Variants in HEATR5B observed in about 807,000 individuals in gnomAD.
HEATR5B encodes the protein HEAT repeat containing 5B, also known as HEAT repeat-containing protein 5B.
A neutral mutation model predicts 224.1 loss-of-function variants in HEATR5B; 156 were observed. The ratio of observed to expected loss-of-function variants is 0.70; its 90% confidence interval spans 0.61 to 0.80. The LOEUF (loss-of-function observed/expected upper bound fraction) is 0.80, where lower values mean the gene tolerates loss of function less well. Ranked by LOEUF, HEATR5B falls within the 30% of genes least tolerant of loss-of-function variation. The pLI is 0.00. For synonymous variants in HEATR5B, 1,027 were observed against 893.0 expected (o/e 1.15, Z -2.68); for missense variants, 2,323 against 2,535.5 (o/e 0.92, Z 1.80).
chr2:37,060,260 G>A (rs548567109), intron 12 of HEATR5B, among the ~76,000 whole-genome samples: 38 of 152,196 alleles, frequency 2.5e-4, no homozygotes, highest in African/African-American at 8.9e-4. Context: ...TAGCTGTTGG[G>A]TATTTTTTCT....
rs193182235 is a variant in HEATR5B, at chr2:37,041,098, A to T, written c.2856+35T>A. Reference sequence around the variant, plus strand: ...CAAATAATTTTCCAAAAAATTTTCTAAACTTTTGTAATAAAAAAACCAATT... The same window carrying T: ...CAAATAATTTTCCAAAAAATTTTCTTAACTTTTGTAATAAAAAAACCAATT... On this transcript the variant is annotated intron_variant, in intron 19 of 35. Transcript: ENST00000233099. 8 of 1,566,698 alleles carry T rather than the reference A, an allele frequency of 5.1e-6. No homozygotes were observed. In the East Asian group the frequency reaches 1.1e-4, roughly 22 times the overall value.
intron 8 of HEATR5B, among the ~76,000 whole-genome samples, chr2:37,066,580 A>G (rs941396129): frequency 2.6e-5 from 4 of 152,130 alleles, no homozygotes; most frequent in African/African-American, 9.7e-5. Flanking sequence ...TGCTACCCCA[A>G]CCTTTTAGCT....
rs768216580 is a variant in HEATR5B, at chr2:37,053,611, T to C, written c.2400-4A>G. ...AAAGTGATCCAACATTTGTAATCTA[T>C]AACAATAAGAAAAAAAAATCACATT... On this transcript the variant is annotated splice_polypyrimidine_tract_variant and splice_region_variant and intron_variant, in intron 16 of 35. Coordinates refer to ENST00000233099, the MANE Select transcript of HEATR5B (RefSeq NM_019024.3). 3 of 1,570,198 alleles carry C rather than the reference T, an allele frequency of 1.9e-6. No homozygotes were observed. The African/African-American group carries it at 4.1e-5, about 21-fold the overall frequency.
Position 37,002,379 on chromosome 2 carries a change from T to C in HEATR5B, c.5244A>G (p.Ser1748=). ...PSHIATKTRL[S]EESARLVAAT... ...CTGCCACCAAACGAGCACTTTCTTC[T>C]GATAGTCGAGTTTTAGTGGCTATGT... The change falls in exon 32 of 36, where the codon TCA becomes TCG. Residue 1748 remains serine, a synonymous_variant. Transcript: ENST00000233099. The C allele has an allele frequency of 6.2e-7, 1 of 1,614,234 alleles. No homozygotes were observed.
At chr2:37,058,811 A>C (rs919412445) in intron 13 of HEATR5B, 77 bp downstream of exon 13, 1 of 922,068 alleles carries the variant, frequency 1.1e-6, no homozygotes, top group African/African-American at 1.7e-5. Flanking sequence ...ATTCTAGAAG[A>C]AAGCACAAAA....
intron 24 of HEATR5B, among the ~76,000 whole-genome samples, chr2:37,027,094 G>A (rs924626618): frequency 1.3e-5 from 2 of 152,160 alleles, no homozygotes; most frequent in Admixed American, 6.5e-5. Flanking sequence ...ATGAGCCACC[G>A]CACCCAGCCT....
intron 24 of HEATR5B, among the ~76,000 whole-genome samples, chr2:37,022,757 T>C (rs1397388382): frequency 6.6e-6 from 1 of 152,230 alleles, no homozygotes; most frequent in African/African-American, 2.4e-5. Context: ...AAAGTTGTCC[T>C]GGATCTGTAT....
At chr2:37,020,347 G>A (rs565455260) in intron 25 of HEATR5B, among the ~76,000 whole-genome samples, 1 of 152,176 alleles carries the variant, frequency 6.6e-6, no homozygotes, top group Non-Finnish European at 1.5e-5. Flanking sequence ...TCTTTTGAAG[G>A]TTCCTTTTAT....
chr2:37,040,272 A>T (rs1299665494), intron 20 of HEATR5B, 57 bp downstream of exon 20: 2 of 1,371,640 alleles, frequency 1.5e-6, no homozygotes, highest in Non-Finnish European at 2.1e-6. Flanking sequence ...GATATTCAGG[A>T]AATTTAAAGA....
chr2:37,074,710 AAAC>A (rs1213286404), intron 5 of HEATR5B, among the ~76,000 whole-genome samples: 1 of 152,254 alleles, frequency 6.6e-6, no homozygotes, highest in African/African-American at 2.4e-5. Context: ...AATAATTATA[AAAC>A]AACCCAATAA....
In HEATR5B at chr2:37,014,024, G is replaced by A. The variant is rs1189729665; in HGVS notation, c.4105-4C>T. ...TTCCTATCCATGTACTACATACCTAGACAAAGAGAATTCAAAAACTTTTGT... is the reference window on the plus strand; with the variant it reads ...TTCCTATCCATGTACTACATACCTAAACAAAGAGAATTCAAAAACTTTTGT... On this transcript the variant is annotated splice_polypyrimidine_tract_variant and splice_region_variant and intron_variant, in intron 26 of 35. Coordinates refer to ENST00000233099, the MANE Select transcript of HEATR5B (RefSeq NM_019024.3). The A allele has an allele frequency of 1.3e-6, 2 of 1,499,672 alleles. No individual in the cohort carries two copies. Among genetic ancestry groups the A allele is most frequent in the Admixed American group, 2.3e-5 (1 of 44,070 alleles). The allele number at this position is 1,499,672 out of a possible 1,614,324, so 92.9% of individuals were successfully genotyped here.
rs1336714121 is a variant in HEATR5B, at chr2:37,075,559, G to A, written c.523C>T (p.His175Tyr). 2 of 1,613,718 alleles carry A rather than the reference G, an allele frequency of 1.2e-6. No homozygotes were observed. The highest frequency in any genetic ancestry group is 1.7e-6 in the Non-Finnish European group (2 of 1,179,670). Residue 175 changes from histidine to tyrosine, a missense_variant, in exon 5 of 36, where the codon CAT becomes TAT. By Grantham distance (83) the His-to-Tyr change is moderately conservative. This residue lies in a region of HEATR5B where 292 missense variants were observed against 332.6 expected (regional missense o/e 0.88). Coordinates refer to ENST00000233099, the MANE Select transcript of HEATR5B (RefSeq NM_019024.3). ...SGLGGAAASS[H>Y]RDIYKNARSL... ...CTGGCATTCTTGTAAATATCACGATGGGAGGAAGCTGCTGCACCACCCAGT... is the reference window on the plus strand; with the variant it reads ...CTGGCATTCTTGTAAATATCACGATAGGAGGAAGCTGCTGCACCACCCAGT...
chr2:37,069,742 G>A (rs1453261553), intron 7 of HEATR5B, among the ~76,000 whole-genome samples: 5 of 151,918 alleles, frequency 3.3e-5, no homozygotes, highest in South Asian at 2.1e-4. Flanking sequence ...AATATCTACC[G>A]AATTTCCATA....
At position 36,988,806 on chromosome 2, in the gene HEATR5B, A is replaced by G. The variant is rs1241905033; in HGVS notation, c.5751T>C (p.Arg1917=). The change falls in exon 35 of 36, where the codon CGT becomes CGC. Residue 1917 remains arginine, a synonymous_variant. Transcript: ENST00000233099. The part of the protein sequence containing the change: ...LLLSVFQHSN[R]ALSTPYIHSL... ...AATGAATATAAGGAGTTGAAAGGGC[A>G]CGATTGGAATGCTGGAAGACTGAGA... 1.2e-6 allele frequency: 2 copies of G among 1,614,138 alleles called. No individual in the cohort carries two copies. The highest frequency in any genetic ancestry group is 2.2e-5 in the South Asian group (2 of 91,092).
At chr2:37,031,408 GCTGTTTTT>G (rs1449593034) in intron 22 of HEATR5B, among the ~76,000 whole-genome samples, 5 of 147,850 alleles carry the variant, frequency 3.4e-5, no homozygotes, top group East Asian at 2.0e-4. Context: ...CCCTATCTTA[GCTGTTTTT>G]CTGTTTTTCT....
At chr2:37,072,031 A>T in intron 6 of HEATR5B, 79 bp downstream of exon 6, 2 of 1,150,262 alleles carry the variant, frequency 1.7e-6, no homozygotes, top group South Asian at 2.0e-5. Context: ...CTAAAAATTT[A>T]AATCCATTAC....
At chr2:37,052,339 C>A (rs1670613725) in intron 17 of HEATR5B, among the ~76,000 whole-genome samples, 1 of 152,136 alleles carries the variant, frequency 6.6e-6, no homozygotes, top group African/African-American at 2.4e-5. Context: ...GGATTAGGAA[C>A]CTGATTGCTG....
intron 24 of HEATR5B, among the ~76,000 whole-genome samples, 187 bp downstream of exon 24, chr2:37,027,736 A>G (rs1432358133): frequency 6.6e-6 from 1 of 152,220 alleles, no homozygotes; most frequent in African/African-American, 2.4e-5. Flanking sequence ...TATCTTCCCA[A>G]TAGGAATCAG....
At chr2:37,036,624 G>A (rs1669495561) in intron 21 of HEATR5B, among the ~76,000 whole-genome samples, 1 of 151,818 alleles carries the variant, frequency 6.6e-6, no homozygotes, top group South Asian at 2.1e-4. Flanking sequence ...CAGTTCTCCT[G>A]CTTCAGCCTC....
Sources: gnomAD v4.1 joint callset for allele counts (sites outside exome capture counted in the v4.1 genomes callset) on GRCh38, gnomAD v4.1.1 for gene constraint, gnomAD v4.1.1 regional missense constraint, MANE v1.5 for transcripts, NCBI Gene and HGNC (gene_info 2026-07-23, HGNC 2026-07-21) for gene names.